DOCK8: variants seen among roughly 807,000 people sequenced by gnomAD.
DOCK8 encodes dedicator of cytokinesis 8.
Under a neutral mutation model 245.6 loss-of-function variants are expected in DOCK8, and 141 were observed. The ratio of observed to expected loss-of-function variants is 0.57; its 90% CI spans 0.50 to 0.66. DOCK8 has a LOEUF of 0.66. DOCK8 is among the 30% of genes least tolerant of loss of function. DOCK8 has a pLI of 0.00. For missense variants in DOCK8, 2,965 were observed against 2,603.4 expected, an observed-to-expected ratio of 1.14 and a Z score of -3.02; for synonymous variants, 1,168 against 970.2, an observed-to-expected ratio of 1.20 and a Z score of -3.79.
At chr9:349,354 G>C (rs1362901860) in intron 14 of DOCK8, among the ~76,000 whole-genome samples, 1 of 152,076 alleles carries the variant, frequency 6.6e-6, no homozygotes, top group African/African-American at 2.4e-5. Context: ...CATGTTCTTT[G>C]ACAACTTTCA....
chr9:250,826 G>A (rs62531307), intron 1 of DOCK8, among the ~76,000 whole-genome samples: 15,171 of 152,224 alleles, frequency 0.1, 850 homozygotes, highest in African/African-American at 0.15. Flanking sequence ...TGGCTGTCCA[G>A]CAAAAGGTCT....
At chr9:276,214 G>C (rs974046676) in intron 2 of DOCK8, among the ~76,000 whole-genome samples, 18 of 152,246 alleles carry the variant, frequency 1.2e-4, no homozygotes, top group African/African-American at 4.3e-4. Flanking sequence ...TTTAAAGGTA[G>C]ACGTATTCCA....
Position 390,453 on chromosome 9 carries a change from T to C in DOCK8, c.2875-18T>C. On this transcript the variant is annotated intron_variant, in intron 23 of 47. Coordinates refer to ENST00000432829, the MANE Select transcript of DOCK8 (RefSeq NM_203447.4). ...ATAGCCTTTGTTTCACAGCCTAATTTTTGTGGTTCTTATTTAGCATTTCCA... is the reference window on the plus strand; with the variant it reads ...ATAGCCTTTGTTTCACAGCCTAATTCTTGTGGTTCTTATTTAGCATTTCCA... The C allele has an allele frequency of 6.2e-7, 1 of 1,610,692 alleles. No homozygotes were observed. The highest frequency in any genetic ancestry group is 1.1e-5 in the South Asian group (1 of 91,030).
At chr9:368,270 T>G in intron 15 of DOCK8, 135 bp downstream of exon 15, 1 of 821,584 alleles carries the variant, frequency 1.2e-6, no homozygotes, top group Non-Finnish European at 2.2e-6. Flanking sequence ...TGCAAGGGCT[T>G]CTGTGCCCAG....
At chr9:368,513 TACACACACAGTGTTAC>T (rs981834052) in intron 15 of DOCK8, 5 of 568,378 alleles carry the variant, frequency 8.8e-6, no homozygotes, top group Non-Finnish European at 1.6e-5. Flanking sequence ...CACTGTGTTA[TACACACACAGTGTTAC>T]ACACTTACTC....
chr9:327,913 C>T, intron 8 of DOCK8, 109 bp from the exon 9 acceptor site: 2 of 1,028,480 alleles, frequency 1.9e-6, no homozygotes, highest in Non-Finnish European at 3.0e-6. Context: ...GATTATTACA[C>T]TTACTCCTTC....
chr9:232,546 A>G (rs933192649), intron 1 of DOCK8, among the ~76,000 whole-genome samples: 8 of 152,104 alleles, frequency 5.3e-5, no homozygotes, highest in African/African-American at 1.9e-4. Context: ...TTGGTTGGTA[A>G]GCTATTGATT....
intron 1 of DOCK8, among the ~76,000 whole-genome samples, chr9:242,948 G>T (rs1362779505): frequency 6.6e-6 from 1 of 152,072 alleles, no homozygotes; most frequent in East Asian, 1.9e-4. Flanking sequence ...AAATCCTGTG[G>T]TAGTATCTCT....
chr9:384,496 C>T (rs569505148), intron 22 of DOCK8, among the ~76,000 whole-genome samples: 3 of 152,294 alleles, frequency 2.0e-5, no homozygotes, highest in East Asian at 1.9e-4. Context: ...TGGGGCTGGG[C>T]GCCAATACTG....
chr9:342,703 C>T (rs1279797264), intron 14 of DOCK8, among the ~76,000 whole-genome samples: 6 of 151,902 alleles, frequency 3.9e-5, no homozygotes, highest in Admixed American at 3.3e-4. Flanking sequence ...CTCCTGACCT[C>T]GTGATCCACC....
At chr9:393,160 T>C (rs2054284917) in intron 24 of DOCK8, among the ~76,000 whole-genome samples, 1 of 146,498 alleles carries the variant, frequency 6.8e-6, no homozygotes. Context: ...CAGCTATGGA[T>C]AATTCATACA....
chr9:406,256 G>C (rs1055048819), intron 27 of DOCK8, among the ~76,000 whole-genome samples: 1 of 152,038 alleles, frequency 6.6e-6, no homozygotes, highest in Non-Finnish European at 1.5e-5. Flanking sequence ...CATCTTCGGA[G>C]GCCAAAGGGA....
intron 14 of DOCK8, among the ~76,000 whole-genome samples, chr9:341,258 G>T (rs181677866): frequency 6.2e-4 from 95 of 152,298 alleles, no homozygotes; most frequent in African/African-American, 2.1e-3. Context: ...GACACTGAAG[G>T]CCTAACAGGT....
intron 2 of DOCK8, chr9:272,875 G>A (rs1014815022): frequency 6.0e-5 from 11 of 184,092 alleles, no homozygotes; most frequent in African/African-American, 1.9e-4. Context: ...CACTTCCTCT[G>A]TGAGAGAGCT....
chr9:235,506 C>T (rs2047223438), intron 1 of DOCK8, among the ~76,000 whole-genome samples: 1 of 152,250 alleles, frequency 6.6e-6, no homozygotes, highest in African/African-American at 2.4e-5. Flanking sequence ...GTGGAGCCTA[C>T]AGAGGCAGGC....
chr9:282,131 G>T (rs144117061), intron 2 of DOCK8, among the ~76,000 whole-genome samples: 1 of 152,228 alleles, frequency 6.6e-6, no homozygotes, highest in African/African-American at 2.4e-5. Flanking sequence ...CATTATTTAC[G>T]TGTGAGAAAG....
At chr9:437,832 T>C (rs1385559195) in intron 39 of DOCK8, among the ~76,000 whole-genome samples, 1 of 152,254 alleles carries the variant, frequency 6.6e-6, no homozygotes, top group African/African-American at 2.4e-5. Context: ...TCTTAGATAC[T>C]GCTGTTACTT....
At chr9:407,119 T>C in intron 28 of DOCK8, 50 bp downstream of exon 28, 1 of 1,612,914 alleles carries the variant, frequency 6.2e-7, no homozygotes. Flanking sequence ...AAACAGATGT[T>C]CTTTAATAAA....
chr9:418,294 C>T lies in DOCK8; in HGVS notation c.3840+87C>T, dbSNP rs192457513. 8.1e-4 allele frequency: 1,269 copies of T among 1,562,398 alleles called. 1 individual carries two copies. Among genetic ancestry groups the T allele is most frequent in the Non-Finnish European group, 1.0e-3 (1,183 of 1,140,756 alleles). ...TTTTGTTTGTTTGTTTGTTTTGAGA[C>T]AGAGTCTCACTCTGTTGCACAGGCT... On this transcript the variant is annotated intron_variant, in intron 30 of 47. Coordinates refer to ENST00000432829, the MANE Select transcript of DOCK8 (RefSeq NM_203447.4).
Sources: allele counts gnomAD v4.1 joint callset (sites outside exome capture counted in the v4.1 genomes callset), GRCh38; gene constraint gnomAD v4.1.1; transcripts MANE v1.5; gene names NCBI Gene and HGNC (gene_info 2026-07-23, HGNC 2026-07-21).